The following MAGI2 variants were observed in gnomAD, a reference collection of about 807,000 sequenced individuals.
The protein encoded by MAGI2 is membrane associated guanylate kinase, WW and PDZ domain containing 2, also known as membrane-associated guanylate kinase, WW and PDZ domain-containing protein 2.
A neutral mutation model predicts 133.3 loss-of-function variants in MAGI2; 35 were observed. The ratio of observed to expected loss-of-function variants is 0.26; its 90% CI spans 0.20 to 0.35. MAGI2 has a LOEUF of 0.35. Ranked by LOEUF, MAGI2 falls within the 10% of genes least tolerant of loss-of-function variation. The pLI, the probability that MAGI2 is intolerant of heterozygous loss-of-function variation, is 1.00. For synonymous variants in MAGI2, 729 were observed against 710.6 expected (o/e 1.03, Z -0.41); for missense variants, 1,636 against 1,863.4 (o/e 0.88, Z 2.25).
At chr7:78,886,524 T>C (rs373956436) in intron 2 of MAGI2, among the ~76,000 whole-genome samples, 10 of 152,318 alleles carry the variant, frequency 6.6e-5, no homozygotes, top group African/African-American at 2.4e-4. Context: ...CACAAATATC[T>C]AGGCAAGGGG....
At chr7:79,354,260 C>CA (rs1430453380) in intron 1 of MAGI2, 1 of 152,344 alleles carries the variant, frequency 6.6e-6, no homozygotes, top group Non-Finnish European at 1.5e-5. Context: ...GCCCTGCTGA[C>CA]AGTCTGGCTC....
In MAGI2 at chr7:78,905,175, C is replaced by A. The variant is rs532425300; in HGVS notation, c.418+101915G>T. Reference sequence around the variant, plus strand: ...TACAGAATGTTTCCAGTTGAATATTCCATGGTAACTACTTCTTCAGCATTT... The same window carrying A: ...TACAGAATGTTTCCAGTTGAATATTACATGGTAACTACTTCTTCAGCATTT... On this transcript the variant is annotated intron_variant, in intron 2 of 21. Coordinates refer to ENST00000354212, the MANE Select transcript of MAGI2 (RefSeq NM_012301.4). Among the ~76,000 whole-genome samples the A allele has an allele frequency of 2.5e-3, 374 of 152,266 alleles. 1 individual carries two copies. The highest frequency in any genetic ancestry group is 8.5e-3 in the African/African-American group (353 of 41,550).
At position 78,465,134 on chromosome 7, in the gene MAGI2, T is replaced by C. The variant is rs1790485352; in HGVS notation, c.1045+24627A>G. Among the ~76,000 whole-genome samples, 2 of 152,180 alleles carry C rather than the reference T, an allele frequency of 1.3e-5. 1 individual carries two copies. The highest frequency in any genetic ancestry group is 4.1e-4 in the South Asian group (2 of 4,830). On this transcript the variant is annotated intron_variant, in intron 6 of 21. Coordinates refer to ENST00000354212, the MANE Select transcript of MAGI2 (RefSeq NM_012301.4). ...ACAAAACAACAAAAAAAGTTTTCTG[T>C]GTCCTCAGCGTTAATTCATTAAATT...
chr7:78,767,804 T>G (rs539848781), intron 2 of MAGI2, among the ~76,000 whole-genome samples: 16 of 152,328 alleles, frequency 1.1e-4, no homozygotes, highest in African/African-American at 3.8e-4. Context: ...CTTGGGAAAT[T>G]TTGTGTTTTC....
At chr7:79,330,605 G>A (rs1034919931) in intron 1 of MAGI2, among the ~76,000 whole-genome samples, 2 of 152,006 alleles carry the variant, frequency 1.3e-5, no homozygotes, top group African/African-American at 4.8e-5. Flanking sequence ...GTGGTCAGTA[G>A]TAGTTACATG....
intron 1 of MAGI2, among the ~76,000 whole-genome samples, chr7:79,294,576 C>G (rs1836764324): frequency 6.6e-6 from 1 of 152,010 alleles, no homozygotes; most frequent in Admixed American, 6.6e-5. Flanking sequence ...AGTGAAGTCA[C>G]TTGGTAGACA....
chr7:78,602,828 G>T (rs540748797), intron 3 of MAGI2, among the ~76,000 whole-genome samples: 2 of 151,904 alleles, frequency 1.3e-5, no homozygotes, highest in Non-Finnish European at 2.9e-5. Flanking sequence ...CTACAAATAG[G>T]CCAGAAACCA....
At chr7:78,475,466 A>C (rs1584307449) in intron 6 of MAGI2, among the ~76,000 whole-genome samples, 2 of 152,112 alleles carry the variant, frequency 1.3e-5, no homozygotes, top group East Asian at 1.9e-4. Context: ...TTTCATAGAG[A>C]AAAGTATAGA....
chr7:78,537,526 A>T (rs115415381), intron 3 of MAGI2, among the ~76,000 whole-genome samples: 4,765 of 152,238 alleles, frequency 0.031, 231 homozygotes, highest in African/African-American at 0.1. Context: ...TCAATTTTTT[A>T]AATTATGGCC....
At position 78,729,209 on chromosome 7, in the gene MAGI2, C is replaced by A. The variant is rs549182918; in HGVS notation, c.419-101970G>T. ...TGCCAATATCCAAACCACTGGGATACAAGTTAAGAACAAGAAAAAAAGTGA... is the reference window on the plus strand; with the variant it reads ...TGCCAATATCCAAACCACTGGGATAAAAGTTAAGAACAAGAAAAAAAGTGA... On this transcript the variant is annotated intron_variant, in intron 2 of 21. Coordinates refer to ENST00000354212, the MANE Select transcript of MAGI2 (RefSeq NM_012301.4). Among the ~76,000 whole-genome samples the A allele has an allele frequency of 2.6e-5, 4 of 152,120 alleles. No individual in the cohort carries two copies. The South Asian group carries it at 6.2e-4, about 24-fold the overall frequency.
chr7:78,936,182 G>C (rs562575402), intron 2 of MAGI2, among the ~76,000 whole-genome samples: 3 of 151,874 alleles, frequency 2.0e-5, no homozygotes, highest in East Asian at 1.9e-4. Flanking sequence ...CAAATCTAAA[G>C]TAAATAGGAA....
chr7:78,614,722 A>G (rs1248599299), intron 3 of MAGI2: 7 of 152,202 alleles, frequency 4.6e-5, no homozygotes, highest in African/African-American at 1.7e-4. Flanking sequence ...TATATATAAT[A>G]AATTGTTTCC....
Position 79,218,993 on chromosome 7 carries a change from A to G in MAGI2, c.302-211787T>C, listed in dbSNP as rs555098622. Among the ~76,000 whole-genome samples the G allele has an allele frequency of 8.3e-4, 127 of 152,202 alleles. 1 individual carries two copies. Among genetic ancestry groups the G allele is most frequent in the Admixed American group, 8.2e-3 (126 of 15,292 alleles). On this transcript the variant is annotated intron_variant, in intron 1 of 21. Transcript: ENST00000354212. The stretch of plus-strand genomic sequence containing the variant: ...AGGTCTCTGTCTACAGAGAATTTTA[A>G]GTAAAGAACCCTAGGGATTTTGCCA...
At chr7:79,096,928 G>A (rs529664963) in intron 1 of MAGI2, among the ~76,000 whole-genome samples, 1 of 152,214 alleles carries the variant, frequency 6.6e-6, no homozygotes, top group South Asian at 2.1e-4. Context: ...AAATATTGCT[G>A]TGAATTTTCT....
chr7:79,079,061 T>C (rs748456241), intron 1 of MAGI2, among the ~76,000 whole-genome samples: 17 of 152,164 alleles, frequency 1.1e-4, no homozygotes, highest in Non-Finnish European at 2.2e-4. Flanking sequence ...ATAGCAGCTG[T>C]TCCCTAATTC....
chr7:79,063,056 A>T (rs532293517), intron 1 of MAGI2, among the ~76,000 whole-genome samples: 1 of 152,218 alleles, frequency 6.6e-6, no homozygotes, highest in South Asian at 2.1e-4. Context: ...CAAACCCTAA[A>T]TCTAAAATTC....
At chr7:78,369,596 T>C (rs1206919462) in intron 6 of MAGI2, among the ~76,000 whole-genome samples, 1 of 152,228 alleles carries the variant, frequency 6.6e-6, no homozygotes, top group East Asian at 1.9e-4. Context: ...AGACCACATT[T>C]TCAAAATATA....
At chr7:79,279,876 A>G (rs1835498058) in intron 1 of MAGI2, among the ~76,000 whole-genome samples, 1 of 152,210 alleles carries the variant, frequency 6.6e-6, no homozygotes, top group African/African-American at 2.4e-5. Context: ...AAATATTAGA[A>G]GGCAGTGATT....
At chr7:78,885,991 T>A (rs1265116136) in intron 2 of MAGI2, among the ~76,000 whole-genome samples, 4 of 152,182 alleles carry the variant, frequency 2.6e-5, no homozygotes, top group African/African-American at 9.6e-5. Flanking sequence ...CAAACCAATC[T>A]ACTGCTGTAA....
Sources: allele counts gnomAD v4.1 joint callset (sites outside exome capture counted in the v4.1 genomes callset), GRCh38; gene constraint gnomAD v4.1.1; transcripts MANE v1.5; gene names NCBI Gene and HGNC (gene_info 2026-07-23, HGNC 2026-07-21).